Variants in FRMPD4 observed in about 807,000 individuals in gnomAD.
FRMPD4 encodes FERM and PDZ domain containing 4.
Under a neutral mutation model 94.1 loss-of-function variants are expected in FRMPD4, and 22 were observed. That is an observed-to-expected ratio of 0.23 (90% confidence interval 0.17 to 0.33). The LOEUF (loss-of-function observed/expected upper bound fraction) is 0.33. FRMPD4 is among the 10% of genes least tolerant of loss of function. FRMPD4 has a pLI of 1.00. For synonymous variants in FRMPD4, 631 were observed against 548.6 expected, an observed-to-expected ratio of 1.15 and a Z score of -2.10; for missense variants, 1,111 against 1,339.9, an observed-to-expected ratio of 0.83 and a Z score of 2.67.
chrX:12,353,615 A>G (rs1352754065), intron 1 of FRMPD4, among the ~76,000 whole-genome samples: 1 of 112,209 alleles, frequency 8.9e-6, no homozygotes, highest in Admixed American at 9.4e-5. Flanking sequence ...TTGCATTCGT[A>G]ATTTTGTGTT....
At chrX:12,261,982 C>G (rs2054195402) in intron 1 of FRMPD4, among the ~76,000 whole-genome samples, 1 of 111,849 alleles carries the variant, frequency 8.9e-6, no homozygotes, top group African/African-American at 3.2e-5. Context: ...AAAAAATCAA[C>G]AAAAATAATC....
At chrX:12,105,262 A>G (rs1297023131) in intron 3 of FRMPD4, among the ~76,000 whole-genome samples, 3 of 111,928 alleles carry the variant, frequency 2.7e-5, no homozygotes, top group African/African-American at 9.7e-5. Flanking sequence ...CATTGGCACA[A>G]ACCATACCTG....
chrX:12,145,576 T>C (rs769671162), intron 1 of FRMPD4, among the ~76,000 whole-genome samples: 1 of 113,189 alleles, frequency 8.8e-6, no homozygotes, highest in East Asian at 2.8e-4. Context: ...CTGATGTGTT[T>C]ACTTATTTTA....
chrX:11,849,923 A>C (rs944020696), intron 1 of FRMPD4, among the ~76,000 whole-genome samples: 1 of 111,999 alleles, frequency 8.9e-6, no homozygotes, highest in Non-Finnish European at 1.9e-5. Flanking sequence ...AAAAATAGAT[A>C]AACCGGATTA....
At chrX:12,480,704 A>G (rs1271048090) in intron 1 of FRMPD4, among the ~76,000 whole-genome samples, 1 of 112,372 alleles carries the variant, frequency 8.9e-6, no homozygotes. Context: ...GGAAACATTT[A>G]TCACAGCAGT....
intron 1 of FRMPD4, among the ~76,000 whole-genome samples, chrX:12,177,238 G>T (rs1292463395): frequency 8.9e-6 from 1 of 112,217 alleles, no homozygotes; most frequent in African/African-American, 3.2e-5. Flanking sequence ...GACCAAGAAT[G>T]GATGATCACT....
intron 1 of FRMPD4, among the ~76,000 whole-genome samples, chrX:12,195,983 T>A (rs185363356): frequency 4.5e-5 from 5 of 111,823 alleles, no homozygotes; most frequent in African/African-American, 9.7e-5. Flanking sequence ...GATGTGTCAA[T>A]GGGATGTGGA....
chrX:12,490,903 T>G (rs775924369), intron 1 of FRMPD4, among the ~76,000 whole-genome samples: 2 of 111,907 alleles, frequency 1.8e-5, no homozygotes, highest in East Asian at 5.6e-4. Flanking sequence ...TCATTCCTTC[T>G]TTTTACAGCT....
chrX:11,979,121 A>G (rs2054384079), intron 3 of FRMPD4, among the ~76,000 whole-genome samples: 1 of 110,760 alleles, frequency 9.0e-6, no homozygotes, highest in South Asian at 4.0e-4. Context: ...CCTTCATGCC[A>G]CTCCCCAAGT....
In FRMPD4 at chrX:12,060,057, G is replaced by A. The variant is rs181474968; in HGVS notation, c.95+182039G>A. Among the ~76,000 whole-genome samples, 3 of 111,338 alleles carry A rather than the reference G, an allele frequency of 2.7e-5. No homozygotes were observed. In the East Asian group the frequency reaches 8.5e-4, roughly 31 times the overall value. On this transcript the variant is annotated intron_variant, in intron 3 of 18. Transcript: ENST00000640291. ...TTCTATGACACCTTGGAGAGAATGG[G>A]AGTGAGAGACAGTACCATTTCTTAA...
At chrX:12,076,494 C>T (rs1207174838) in intron 3 of FRMPD4, among the ~76,000 whole-genome samples, 1 of 110,909 alleles carries the variant, frequency 9.0e-6, no homozygotes, top group African/African-American at 3.3e-5. Flanking sequence ...AAATCAAAGT[C>T]TATTTGTCAG....
chrX:12,493,672 G>A (rs1476634847), intron 1 of FRMPD4, among the ~76,000 whole-genome samples: 1 of 111,979 alleles, frequency 8.9e-6, no homozygotes, highest in East Asian at 2.8e-4. Flanking sequence ...GTCCCTATTA[G>A]GCTAGTTATA....
rs770421721 is a variant in FRMPD4, at chrX:12,448,136, A to G, written c.42-50544A>G. 8.0e-5 allele frequency among the ~76,000 whole-genome samples: 9 copies of G among 111,970 alleles called. No individual in the cohort carries two copies. In the South Asian group the frequency reaches 3.4e-3, roughly 42 times the overall value. ...GTTCAGGGAATGATGGAGTGTTTGT[A>G]TACTCAGTCAAAGTGAAAACATTTT... is the stretch of plus-strand genomic sequence containing the variant. On this transcript the variant is annotated intron_variant, in intron 1 of 16. Transcript: ENST00000675598.
chrX:12,236,317 C>A (rs1569201669), intron 1 of FRMPD4, among the ~76,000 whole-genome samples: 1 of 111,497 alleles, frequency 9.0e-6, no homozygotes, highest in Non-Finnish European at 1.9e-5. Flanking sequence ...AACCCTCAAG[C>A]ATTATAAAAG....
chrX:12,663,594 G>T (rs2059741787), intron 4 of FRMPD4, among the ~76,000 whole-genome samples: 1 of 111,922 alleles, frequency 8.9e-6, no homozygotes, highest in Non-Finnish European at 1.9e-5. Context: ...TTGCTGTTCT[G>T]GTTACTGTAG....
At chrX:12,530,903 C>T (rs1272478988) in intron 2 of FRMPD4, among the ~76,000 whole-genome samples, 2 of 111,090 alleles carry the variant, frequency 1.8e-5, no homozygotes, top group Non-Finnish European at 3.8e-5. Context: ...GTAGGTGAGT[C>T]AGTGGGTGGT....
intron 1 of FRMPD4, among the ~76,000 whole-genome samples, chrX:11,840,108 G>A (rs944887249): frequency 3.6e-5 from 4 of 111,502 alleles, no homozygotes; most frequent in African/African-American, 1.3e-4. Context: ...CTATAAAACA[G>A]TGTGATGAGA....
At chrX:12,660,950 C>T (rs1047831655) in intron 4 of FRMPD4, among the ~76,000 whole-genome samples, 7 of 112,297 alleles carry the variant, frequency 6.2e-5, no homozygotes, top group African/African-American at 2.3e-4. Context: ...CTCCACACTA[C>T]TTCTCCACAT....
chrX:12,714,048 G>C (rs1157128862), intron 14 of FRMPD4, among the ~76,000 whole-genome samples: 1 of 111,820 alleles, frequency 8.9e-6, no homozygotes, highest in Non-Finnish European at 1.9e-5. Flanking sequence ...CAGTTTTCTT[G>C]TTCATCTAAA....
Sources: gnomAD v4.1 joint callset for allele counts (sites outside exome capture counted in the v4.1 genomes callset) on GRCh38, gnomAD v4.1.1 for gene constraint, MANE v1.5 for transcripts, NCBI Gene and HGNC (gene_info 2026-07-23, HGNC 2026-07-21) for gene names.